CFAP53: variants seen among roughly 807,000 people sequenced by gnomAD.
CFAP53 encodes cilia- and flagella-associated protein 53.
In CFAP53, 62 loss-of-function variants were observed where a neutral mutation model predicts 59.7. That is an observed-to-expected ratio of 1.04 (90% CI 0.85 to 1.28). The LOEUF (loss-of-function observed/expected upper bound fraction) is 1.28, where lower values mean the gene tolerates loss of function less well. Ranked by LOEUF, CFAP53 falls within the 50% of genes most tolerant of loss-of-function variation. The pLI is 0.00. For missense variants in CFAP53, 629 were observed against 615.6 expected (o/e 1.02, Z -0.23); for synonymous variants, 218 against 205.7 (o/e 1.06, Z -0.51).
chr18:50,235,049 C>T (rs934393984), intron 7 of CFAP53, among the ~76,000 whole-genome samples: 4 of 152,224 alleles, frequency 2.6e-5, no homozygotes, highest in East Asian at 1.9e-4. Context: ...ATGTGCTTAA[C>T]GCTGAGGCAG....
chr18:50,243,354 G>A (rs2033711940), intron 5 of CFAP53, among the ~76,000 whole-genome samples: 1 of 152,144 alleles, frequency 6.6e-6, no homozygotes, highest in African/African-American at 2.4e-5. Flanking sequence ...GTGAGGTGAT[G>A]GACACGTGGG....
At chr18:50,240,499 C>T (rs558878612) in intron 6 of CFAP53, among the ~76,000 whole-genome samples, 4 of 152,294 alleles carry the variant, frequency 2.6e-5, no homozygotes, top group South Asian at 4.1e-4. Context: ...GCAGGGGCCA[C>T]GTGAGTCAGG....
At position 50,259,466 on chromosome 18, in the gene CFAP53, T is replaced by A. The variant is rs1196820458; in HGVS notation, c.473+1598A>T. ...AGAGGCTGGGAAGGATAGTGGGGGG[T>A]TGGGGGTGGAGGTGGGGACAGTTAA... On this transcript the variant is annotated intron_variant, in intron 3 of 7. Coordinates refer to ENST00000398545, the MANE Select transcript of CFAP53 (RefSeq NM_145020.5). 6.3e-5 allele frequency among the ~76,000 whole-genome samples: 9 copies of A among 143,292 alleles called. No individual in the cohort carries two copies. In the East Asian group the frequency reaches 1.6e-3, roughly 26 times the overall value. 94.0% of individuals were successfully genotyped at this position (143,292 alleles called of 152,430 possible).
At chr18:50,253,812 C>A (rs541717685) in intron 3 of CFAP53, among the ~76,000 whole-genome samples, 20 of 152,220 alleles carry the variant, frequency 1.3e-4, no homozygotes, top group African/African-American at 4.1e-4. Context: ...CATTGCATCA[C>A]CTCTGCCAGC....
At chr18:50,252,888 C>T (rs776936643) in intron 3 of CFAP53, among the ~76,000 whole-genome samples, 18 of 152,230 alleles carry the variant, frequency 1.2e-4, no homozygotes, top group South Asian at 2.1e-4. Flanking sequence ...TGCTGGCACA[C>T]GCCTGTAGTC....
chr18:50,262,760 G>T (rs1471102292), intron 1 of CFAP53, among the ~76,000 whole-genome samples: 1 of 152,094 alleles, frequency 6.6e-6, no homozygotes, highest in Non-Finnish European at 1.5e-5. Context: ...ATATATATGT[G>T]TATATGTATA....
At chr18:50,265,563 T>C (rs2033946136) in intron 1 of CFAP53, among the ~76,000 whole-genome samples, 1 of 152,232 alleles carries the variant, frequency 6.6e-6, no homozygotes, top group Non-Finnish European at 1.5e-5. Context: ...AGGATCATTG[T>C]ATCCACCCCT....
chr18:50,234,786 C>T (rs762938222), intron 7 of CFAP53, among the ~76,000 whole-genome samples: 43 of 152,234 alleles, frequency 2.8e-4, no homozygotes, highest in African/African-American at 4.1e-4. Context: ...GAAACAGAAA[C>T]GGGATTTAAT....
At chr18:50,237,403 C>CAT (rs66487436) in intron 7 of CFAP53, among the ~76,000 whole-genome samples, 1 of 108,130 alleles carries the variant, frequency 9.2e-6, no homozygotes, top group African/African-American at 3.2e-5. Flanking sequence ...CACACACACA[C>CAT]ATATATATAT....
intron 7 of CFAP53, among the ~76,000 whole-genome samples, chr18:50,234,392 G>A (rs139992240): frequency 1.7e-3 from 260 of 152,126 alleles, no homozygotes; most frequent in African/African-American, 5.8e-3. Context: ...TATCTGCCAG[G>A]CCCCACATTC....
chr18:50,230,745 T>C (rs1411190424), intron 7 of CFAP53, among the ~76,000 whole-genome samples: 3 of 152,214 alleles, frequency 2.0e-5, no homozygotes, highest in Non-Finnish European at 2.9e-5. Context: ...CAGAACTGAA[T>C]TGAATTCTTG....
chr18:50,246,649 G>C (rs1001835347), intron 5 of CFAP53, among the ~76,000 whole-genome samples: 4 of 152,158 alleles, frequency 2.6e-5, no homozygotes, highest in Non-Finnish European at 5.9e-5. Context: ...TAAAACTTTT[G>C]TGATTCAAAG....
At chr18:50,254,269 C>T (rs1288395703) in intron 3 of CFAP53, among the ~76,000 whole-genome samples, 1 of 140,244 alleles carries the variant, frequency 7.1e-6, no homozygotes, top group East Asian at 2.1e-4. Context: ...GCAGCTAAAA[C>T]AAGCTAAATT....
intron 1 of CFAP53, among the ~76,000 whole-genome samples, chr18:50,265,121 T>G (rs1260268085): frequency 2.0e-5 from 3 of 152,228 alleles, no homozygotes; most frequent in African/African-American, 7.2e-5. Flanking sequence ...TTTAGTGGTT[T>G]CATTCTACCT....
chr18:50,260,675 C>T (rs984077544), intron 3 of CFAP53, among the ~76,000 whole-genome samples: 11 of 151,808 alleles, frequency 7.2e-5, no homozygotes, highest in Non-Finnish European at 1.3e-4. Flanking sequence ...AAATGACAAC[C>T]GAAAAACCCC....
At chr18:50,250,008 A>G (rs1314323882) in intron 5 of CFAP53, among the ~76,000 whole-genome samples, 2 of 152,154 alleles carry the variant, frequency 1.3e-5, no homozygotes, top group Non-Finnish European at 2.9e-5. Context: ...GGATCACTTG[A>G]GCCCACTCCA....
chr18:50,240,313 C>A (rs1342614976), intron 6 of CFAP53, among the ~76,000 whole-genome samples: 1 of 152,020 alleles, frequency 6.6e-6, no homozygotes, highest in Non-Finnish European at 1.5e-5. Flanking sequence ...ATTCTGATTA[C>A]CTGCTCCACC....
At chr18:50,237,673 T>C (rs540000450) in intron 7 of CFAP53, among the ~76,000 whole-genome samples, 4 of 152,098 alleles carry the variant, frequency 2.6e-5, no homozygotes, top group Non-Finnish European at 5.9e-5. Context: ...TTAGGTATCA[T>C]GGCCACCAGT....
Position 50,227,456 on chromosome 18 carries a change from G to T in CFAP53, c.1470C>A (p.Val490=). 6.2e-7 allele frequency: 1 copy of T among 1,614,158 alleles called. No homozygotes were observed. The highest frequency in any genetic ancestry group is 1.1e-5 in the South Asian group (1 of 91,068). Residue 490 remains valine, a synonymous_variant, in exon 8 of 8, where the codon GTC becomes GTA. Transcript: ENST00000398545. ...NKMCLDKVQE[V]LSTHQVLPQN... is the part of the protein sequence containing the mutation. The stretch of plus-strand genomic sequence containing the variant: ...GAGGCAGCACTTGATGGGTGGACAG[G>T]ACCTCCTGGACCTTGTCCAAACACA...
Sources: gnomAD v4.1 joint callset for allele counts (sites outside exome capture counted in the v4.1 genomes callset) on GRCh38, gnomAD v4.1.1 for gene constraint, MANE v1.5 for transcripts, NCBI Gene and HGNC (gene_info 2026-07-23, HGNC 2026-07-21) for gene names.